The following NXF1 variants were observed in gnomAD, a reference collection of about 807,000 sequenced individuals.
NXF1 encodes the protein nuclear RNA export factor 1.
A neutral mutation model predicts 92.4 loss-of-function variants in NXF1; 43 were observed. The observed-to-expected ratio is 0.47, with a 90% CI of 0.36 to 0.60. The LOEUF is 0.60. Among genes scored for constraint, NXF1 ranks in the 20% least tolerant of loss-of-function variants. The probability of loss-of-function intolerance (pLI) is 0.00; values close to 1 mark genes in which losing one functional copy is unlikely to be tolerated. For missense variants in NXF1, 576 were observed against 793.0 expected (o/e 0.73, Z 3.29); for synonymous variants, 288 against 292.2 (o/e 0.99, Z 0.15).
intron 16 of NXF1, 51 bp from the exon 17 acceptor site, chr11:62,795,994 GCC>G (rs761495389): frequency 1.2e-6 from 2 of 1,608,758 alleles, no homozygotes; most frequent in Non-Finnish European, 1.7e-6. Context: ...GAGCCTGAGT[GCC>G]CCCCCTTGCC....
In NXF1 at chr11:62,796,116, T is replaced by G. The variant is rs777946270; in HGVS notation, c.1411A>C (p.Lys471Gln). ...AAGGAATTGACGTCGTGCTGGGTTT[T>G]GGGCAACTCATTGAGGAAGGCAACA... is the stretch of plus-strand genomic sequence containing the variant. ...NVVAFLNELP[K>Q]TQHDVNSFVV... Residue 471 changes from lysine (K) to glutamine (Q), a missense_variant, in exon 16 of 21, where the codon AAA becomes CAA. By Grantham distance (53) the Lys-to-Gln change is moderately conservative. This residue lies in a region of NXF1 where 425 missense variants were observed against 635.2 expected (regional missense o/e 0.67). Coordinates refer to ENST00000294172, the MANE Select transcript of NXF1 (RefSeq NM_006362.5). The G allele has an allele frequency of 6.2e-7, 1 of 1,614,082 alleles. No homozygotes were observed. The highest frequency in any genetic ancestry group is 8.5e-7 in the Non-Finnish European group (1 of 1,180,020).
At chr11:62,799,288 A>G (rs1590952393) in intron 10 of NXF1, 1 of 985,702 alleles carries the variant, frequency 1.0e-6, no homozygotes, top group Non-Finnish European at 1.2e-6. Flanking sequence ...CCTGTGGTCC[A>G]AGGTAGAAAT....
Position 62,803,465 on chromosome 11 carries a change from G to A in NXF1, c.323C>T (p.Ala108Val). The change falls in exon 3 of 21, where the codon GCT becomes GTT. Residue 108 changes from alanine (A) to valine (V), a missense_variant. This residue lies in a region of NXF1 where 151 missense variants were observed against 157.8 expected (regional missense o/e 0.96). Coordinates refer to ENST00000294172, the MANE Select transcript of NXF1 (RefSeq NM_006362.5). ...RDRAPPERGG[A>V]GTSQDGTSKN... ...TGAGGTCCCATCCTGGCTGGTGCCA[G>A]CCCCTCCTCTCTCTGGAGGAGCTCT... 6.2e-7 allele frequency: 1 copy of A among 1,613,978 alleles called. No homozygotes were observed. The highest frequency in any genetic ancestry group is 8.5e-7 in the Non-Finnish European group (1 of 1,180,002).
chr11:62,794,009 A>T (rs929227855), intron 19 of NXF1, among the ~76,000 whole-genome samples: 6 of 151,596 alleles, frequency 4.0e-5, no homozygotes, highest in Admixed American at 3.3e-4. Context: ...TCCAAAAAAA[A>T]AAAATAATAA....
At chr11:62,798,723 T>G (rs751518547) in intron 10 of NXF1, 148 bp from the exon 11 acceptor site, 57 of 1,453,718 alleles carry the variant, frequency 3.9e-5, no homozygotes, top group Non-Finnish European at 4.7e-5. Context: ...CAGGGAAAAA[T>G]GGCCCCCACT....
chr11:62,799,483 T>G, intron 10 of NXF1: 1 of 985,836 alleles, frequency 1.0e-6, no homozygotes, highest in Non-Finnish European at 1.2e-6. Context: ...ATGCCCCACC[T>G]CTGTTGCCCC....
chr11:62,794,199 A>AGT, intron 19 of NXF1, 59 bp downstream of exon 19: 1 of 1,504,352 alleles, frequency 6.6e-7, no homozygotes, highest in Non-Finnish European at 9.0e-7. Flanking sequence ...AGGAGCCCTC[A>AGT]TTATTTACTA....
At chr11:62,803,360 T>A in intron 3 of NXF1, 59 bp downstream of exon 3, 1 of 1,356,838 alleles carries the variant, frequency 7.4e-7, no homozygotes, top group Non-Finnish European at 1.0e-6. Context: ...ATTAAACATC[T>A]CCACTCTCAG....
In NXF1 at chr11:62,792,277, G is replaced by C. The variant is rs1036516493; in HGVS notation, c.*199C>G. On this transcript the variant is annotated 3_prime_UTR_variant, in exon 21 of 21. Transcript: ENST00000294172. ...GTGTCAGTTCTACAAAGTAAGCTTT[G>C]GCTTCCTGGCACCAGTGAGGCTCAA... is the stretch of plus-strand genomic sequence containing the variant. The C allele has an allele frequency of 1.4e-5, 10 of 740,306 alleles. No individual in the cohort carries two copies. The highest frequency in any genetic ancestry group is 1.2e-4 in the African/African-American group (7 of 57,352). 45.9% of individuals were successfully genotyped at this position (740,306 alleles called of 1,614,324 possible). A position where few individuals can be genotyped will look rare whatever the true frequency, so the allele number is the denominator to read the frequency against.
intron 1 of NXF1, 31 bp from the exon 2 acceptor site, chr11:62,804,009 A>C (rs748937906): frequency 1.2e-6 from 2 of 1,607,482 alleles, no homozygotes; most frequent in South Asian, 2.2e-5. Flanking sequence ...ACAAATTAGA[A>C]GTAAGTAACT....
At chr11:62,793,081 G>C (rs1590947837) in intron 19 of NXF1, among the ~76,000 whole-genome samples, 1 of 145,408 alleles carries the variant, frequency 6.9e-6, no homozygotes, top group Non-Finnish European at 1.5e-5. Flanking sequence ...TTTTCTGTTT[G>C]CTTTTTTTTT....
At chr11:62,803,319 A>G in intron 3 of NXF1, 100 bp downstream of exon 3, 1 of 1,081,326 alleles carries the variant, frequency 9.2e-7, no homozygotes, top group South Asian at 1.6e-5. Flanking sequence ...CCATTTAAAA[A>G]AAATAATAAT....
At chr11:62,796,604 G>T in intron 13 of NXF1, 37 bp from the exon 14 acceptor site, 1 of 1,412,090 alleles carries the variant, frequency 7.1e-7, no homozygotes, top group Non-Finnish European at 1.0e-6. Context: ...TGGGCTCTGT[G>T]GTCTACAGCC....
intron 13 of NXF1, 85 bp downstream of exon 13, chr11:62,797,098 A>G: frequency 8.0e-7 from 1 of 1,255,060 alleles, no homozygotes; most frequent in Non-Finnish European, 1.1e-6. Flanking sequence ...ACAAAAAACA[A>G]AACAAAAAGA....
chr11:62,795,178 G>A (rs1340515302), intron 17 of NXF1, 171 bp from the exon 18 acceptor site: 6 of 598,810 alleles, frequency 1.0e-5, no homozygotes, highest in African/African-American at 3.7e-5. Context: ...GGTCAGAAAG[G>A]ACAATAGTAA....
At chr11:62,795,647 G>GC (rs2084412239) in intron 17 of NXF1, among the ~76,000 whole-genome samples, 1 of 152,124 alleles carries the variant, frequency 6.6e-6, no homozygotes, top group Non-Finnish European at 1.5e-5. Flanking sequence ...CTTGTCCACA[G>GC]CCCCGCACAA....
Position 62,803,481 on chromosome 11 carries a change from G to A in NXF1, c.307C>T (p.Pro103Ser), listed in dbSNP as rs1277366986. 5 of 1,613,838 alleles carry A rather than the reference G, an allele frequency of 3.1e-6. No individual in the cohort carries two copies. The African/African-American group carries it at 6.7e-5, about 22-fold the overall frequency. Reference sequence around the variant, plus strand: ...CTGGTGCCAGCCCCTCCTCTCTCTGGAGGAGCTCTGTCTCTCCGCACAGTA... The same window carrying A: ...CTGGTGCCAGCCCCTCCTCTCTCTGAAGGAGCTCTGTCTCTCCGCACAGTA... ...HVTVRRDRAP[P>S]ERGGAGTSQD... is the part of the protein sequence containing the mutation. The change falls in exon 3 of 21, where the codon CCA becomes TCA. Residue 103 changes from proline to serine, a missense_variant. This residue lies in a region of NXF1 where 151 missense variants were observed against 157.8 expected (regional missense o/e 0.96). Coordinates refer to ENST00000294172, the MANE Select transcript of NXF1 (RefSeq NM_006362.5).
At chr11:62,800,915 C>T (rs544454467) in intron 9 of NXF1, among the ~76,000 whole-genome samples, 179 bp downstream of exon 9, 2 of 152,278 alleles carry the variant, frequency 1.3e-5, no homozygotes, top group Admixed American at 6.5e-5. Context: ...GGACTAGAGG[C>T]GTGCAAACTC....
chr11:62,805,432 G>T lies in NXF1; in HGVS notation c.-76C>A. 2 of 1,597,084 alleles carry T rather than the reference G, an allele frequency of 1.3e-6. No individual in the cohort carries two copies. Among genetic ancestry groups the T allele is most frequent in the Non-Finnish European group, 1.7e-6 (2 of 1,170,850 alleles). The stretch of plus-strand genomic sequence containing the variant: ...AACAACCTAACTCCCAAGCGCTCAG[G>T]ACCGAAGTGTCCCTACGCCGGGCGC... On this transcript the variant is annotated 5_prime_UTR_variant, in exon 1 of 21. Coordinates refer to ENST00000294172, the MANE Select transcript of NXF1 (RefSeq NM_006362.5).
Sources: allele counts gnomAD v4.1 joint callset (sites outside exome capture counted in the v4.1 genomes callset), GRCh38; gene constraint gnomAD v4.1.1; regional missense constraint gnomAD v4.1.1; transcripts MANE v1.5; gene names NCBI Gene and HGNC (gene_info 2026-07-23, HGNC 2026-07-21).